WWOX: variants seen among roughly 807,000 people sequenced by gnomAD.
WWOX encodes WW domain-containing oxidoreductase.
In WWOX, 69 loss-of-function variants were observed where a neutral mutation model predicts 46.2. The ratio of observed to expected loss-of-function variants is 1.49; its 90% CI spans 1.23 to 1.82. The LOEUF is 1.82. Ranked by LOEUF, WWOX falls within the 40% of genes most tolerant of loss-of-function variation. The probability of loss-of-function intolerance (pLI) is 0.00; values close to 1 mark genes in which losing one functional copy is unlikely to be tolerated. For missense variants in WWOX, 919 were observed against 542.6 expected, an observed-to-expected ratio of 1.69 and a Z score of -6.89; for synonymous variants, 359 against 202.6, an observed-to-expected ratio of 1.77 and a Z score of -6.56.
chr16:78,738,909 G>T (rs2049151164), intron 8 of WWOX, among the ~76,000 whole-genome samples: 1 of 152,126 alleles, frequency 6.6e-6, no homozygotes, highest in Admixed American at 6.5e-5. Context: ...GAGTAGTGCT[G>T]ATCATTTGCC....
chr16:78,800,472 C>A (rs996234671), intron 8 of WWOX, among the ~76,000 whole-genome samples: 1 of 152,138 alleles, frequency 6.6e-6, no homozygotes, highest in African/African-American at 2.4e-5. Flanking sequence ...AAAGTGGTAT[C>A]CACACTTCTT....
chr16:79,149,099 C>G (rs1029373078), intron 8 of WWOX, among the ~76,000 whole-genome samples: 3 of 152,092 alleles, frequency 2.0e-5, no homozygotes, highest in African/African-American at 7.2e-5. Flanking sequence ...ACATCCTTGC[C>G]TTGCTCCTGA....
chr16:78,772,204 C>G (rs116700003), intron 8 of WWOX, among the ~76,000 whole-genome samples: 2,614 of 152,312 alleles, frequency 0.017, 74 homozygotes, highest in African/African-American at 0.059. Flanking sequence ...TCCCTCTACC[C>G]TCAGGCAGGC....
chr16:78,245,185 A>G (rs1035396955), intron 5 of WWOX, among the ~76,000 whole-genome samples: 4 of 152,218 alleles, frequency 2.6e-5, no homozygotes, highest in African/African-American at 9.6e-5. Context: ...TTTTAAAAGC[A>G]TGCCTCCAGG....
chr16:78,100,018 C>G (rs2031651542), intron 1 of WWOX, 133 bp downstream of exon 1: 1 of 1,472,874 alleles, frequency 6.8e-7, no homozygotes, highest in African/African-American at 1.5e-5. Context: ...TAAGGAGCTT[C>G]AGGGAAAAGG....
intron 8 of WWOX, among the ~76,000 whole-genome samples, chr16:78,954,806 T>C (rs2046131704): frequency 6.6e-6 from 1 of 152,174 alleles, no homozygotes; most frequent in African/African-American, 2.4e-5. Context: ...ATTATGTTTT[T>C]TGAGACAGAG....
intron 8 of WWOX, among the ~76,000 whole-genome samples, chr16:78,582,559 T>G (rs2045087108): frequency 6.6e-6 from 1 of 152,204 alleles, no homozygotes; most frequent in Admixed American, 6.5e-5. Context: ...GTGCAATCCT[T>G]GTGTTTCTAA....
At chr16:78,967,159 C>T (rs13339425) in intron 8 of WWOX, among the ~76,000 whole-genome samples, 1 of 152,124 alleles carries the variant, frequency 6.6e-6, no homozygotes, top group East Asian at 1.9e-4. Flanking sequence ...ACCTGCCTCT[C>T]TGAGAAGCCC....
chr16:78,543,304 G>T (rs2043943712), intron 8 of WWOX, among the ~76,000 whole-genome samples: 1 of 126,314 alleles, frequency 7.9e-6, no homozygotes, highest in Non-Finnish European at 1.8e-5. Context: ...CAGTCACGTG[G>T]CCCTGAAGAG....
intron 5 of WWOX, among the ~76,000 whole-genome samples, chr16:78,379,471 C>A (rs1477530836): frequency 6.6e-6 from 1 of 152,148 alleles, no homozygotes; most frequent in Non-Finnish European, 1.5e-5. Flanking sequence ...ACTGTACCGA[C>A]GTGTTCCTTT....
chr16:78,614,124 T>C (rs1265747883), intron 8 of WWOX, among the ~76,000 whole-genome samples: 1 of 152,222 alleles, frequency 6.6e-6, no homozygotes, highest in Non-Finnish European at 1.5e-5. Flanking sequence ...CACATGAATA[T>C]CTCACATCAG....
At chr16:78,601,349 C>G (rs1035071713) in intron 8 of WWOX, among the ~76,000 whole-genome samples, 2 of 151,726 alleles carry the variant, frequency 1.3e-5, no homozygotes, top group African/African-American at 4.8e-5. Context: ...GACACTCAGG[C>G]TTAGCTCTAG....
intron 8 of WWOX, among the ~76,000 whole-genome samples, chr16:78,826,623 G>C (rs776338563): frequency 6.6e-6 from 1 of 152,086 alleles, no homozygotes; most frequent in Non-Finnish European, 1.5e-5. Flanking sequence ...TTTGGATTTA[G>C]GGTCTTCCTG....
chr16:78,788,689 C>A (rs940979638), intron 8 of WWOX, among the ~76,000 whole-genome samples: 2 of 152,184 alleles, frequency 1.3e-5, no homozygotes, highest in Non-Finnish European at 2.9e-5. Flanking sequence ...AAGTGTTTTC[C>A]TGAGTTCTGT....
At chr16:78,642,508 G>C (rs2046744217) in intron 8 of WWOX, among the ~76,000 whole-genome samples, 1 of 152,112 alleles carries the variant, frequency 6.6e-6, no homozygotes, top group Admixed American at 6.6e-5. Context: ...ATTCAATGCT[G>C]CCTAGGTCCA....
rs1555523143 is a variant in WWOX at position 79,074,892 on chromosome 16, A to AAC, written c.1057-136716_1057-136715insAC. Among the ~76,000 whole-genome samples, 863 of 151,752 alleles carry AAC rather than the reference A, an allele frequency of 5.7e-3. 12 individuals carry two copies. The highest frequency in any genetic ancestry group is 0.02 in the African/African-American group (831 of 41,316). On this transcript the variant is annotated intron_variant, in intron 8 of 8. Coordinates refer to ENST00000566780, the MANE Select transcript of WWOX (RefSeq NM_016373.4). ...TTAGATACAGAACCTTTAAAAAAAA[A>AAC]GAAAAATAAACGTTTTGCCAAAGTG...
At chr16:78,746,821 C>G (rs963212687) in intron 8 of WWOX, among the ~76,000 whole-genome samples, 2 of 152,060 alleles carry the variant, frequency 1.3e-5, no homozygotes, top group African/African-American at 2.4e-5. Context: ...AATTCTTAGA[C>G]TAGTGAGTGA....
intron 8 of WWOX, among the ~76,000 whole-genome samples, chr16:78,630,829 A>G (rs1323334736): frequency 6.6e-6 from 1 of 152,102 alleles, no homozygotes; most frequent in Non-Finnish European, 1.5e-5. Context: ...TCAAGAAAAT[A>G]GCCAACAAAT....
rs1324057884 is a variant in WWOX, at chr16:78,573,010, G to C, written c.1056+140258G>C. On this transcript the variant is annotated intron_variant, in intron 8 of 8. Transcript: ENST00000566780. Reference sequence around the variant, plus strand: ...AGTAAAAATTAAAAAAATTATAGCCGGGCACGGTGGCTCACGCCTGTAATC... The same window carrying C: ...AGTAAAAATTAAAAAAATTATAGCCCGGCACGGTGGCTCACGCCTGTAATC... Among the ~76,000 whole-genome samples the C allele has an allele frequency of 1.3e-5, 2 of 152,120 alleles. 1 individual carries two copies. The highest frequency in any genetic ancestry group is 1.3e-4 in the Admixed American group (2 of 15,270).
Sources: allele counts gnomAD v4.1 joint callset (sites outside exome capture counted in the v4.1 genomes callset), GRCh38; gene constraint gnomAD v4.1.1; transcripts MANE v1.5; gene names NCBI Gene and HGNC (gene_info 2026-07-23, HGNC 2026-07-21).